SSX7: variants seen among roughly 807,000 people sequenced by gnomAD.
SSX7 encodes the protein protein SSX7.
In SSX7, 15 loss-of-function variants were observed where a neutral mutation model predicts 14.7. The ratio of observed to expected loss-of-function variants is 1.02; its 90% CI spans 0.68 to 1.58. The LOEUF (loss-of-function observed/expected upper bound fraction) is 1.58, where lower values mean the gene tolerates loss of function less well. Among genes scored for constraint, SSX7 ranks in the 40% most tolerant of loss-of-function variants. SSX7 has a pLI of 0.00. For synonymous variants in SSX7, 46 were observed against 50.6 expected (o/e 0.91, Z 0.38); for missense variants, 178 against 146.8 (o/e 1.21, Z -1.10).
intron 6 of SSX7, among the ~76,000 whole-genome samples, chrX:52,647,033 C>T (rs184989928): frequency 1.1e-3 from 128 of 112,418 alleles, no homozygotes; most frequent in Non-Finnish European, 1.0e-3. Context: ...GCAAAACTGC[C>T]TTACTGCTCA....
intron 5 of SSX7, among the ~76,000 whole-genome samples, chrX:52,648,708 T>C (rs1925330712): frequency 9.0e-6 from 1 of 111,660 alleles, no homozygotes; most frequent in African/African-American, 3.3e-5. Context: ...ATTTTTAAAA[T>C]TCACAAGGTC....
At chrX:52,649,491 C>T (rs1312859163) in intron 5 of SSX7, among the ~76,000 whole-genome samples, 2 of 112,128 alleles carry the variant, frequency 1.8e-5, no homozygotes, top group Admixed American at 9.5e-5. Flanking sequence ...GGTCTCCACA[C>T]TAGCAACCCA....
Position 52,648,295 on chromosome X carries a change from T to G in SSX7, c.432A>C (p.Lys144Asn), listed in dbSNP as rs1250266831. 21 of 1,209,709 alleles carry G rather than the reference T, an allele frequency of 1.7e-5. No individual in the cohort carries two copies. Among genetic ancestry groups the G allele is most frequent in the South Asian group, 7.1e-5 (4 of 56,659 alleles). Residue 144 changes from lysine to asparagine, a missense_variant, in exon 6 of 8, where the codon AAA becomes AAC. Physicochemically the swap from Lys to Asn is moderately conservative, Grantham distance 94 (BLOSUM62 0). Coordinates refer to ENST00000298181, the MANE Select transcript of SSX7 (RefSeq NM_173358.2). ...NDGKHLCPPG[K>N]PSTSEKINKT... is the part of the protein sequence containing the mutation. ...TGTTAATCTTCTCAGAGGTACTTGGTTTTCCTGGAGGGCACAGGTGTTTCC... is the reference window on the plus strand; with the variant it reads ...TGTTAATCTTCTCAGAGGTACTTGGGTTTCCTGGAGGGCACAGGTGTTTCC...
intron 6 of SSX7, among the ~76,000 whole-genome samples, chrX:52,646,362 CG>C (rs1556766341): frequency 8.9e-6 from 1 of 112,505 alleles, no homozygotes; most frequent in African/African-American, 3.2e-5. Context: ...GGCGCCCGTC[CG>C]TGTTTTTTAT....
intron 1 of SSX7, 50 bp from the exon 2 acceptor site, chrX:52,653,542 G>T (rs1556767336): frequency 8.4e-7 from 1 of 1,196,924 alleles, no homozygotes; most frequent in Non-Finnish European, 1.1e-6. Context: ...CTTTGGTCTT[G>T]TGGAGGGAGA....
At chrX:52,653,348 T>G in intron 2 of SSX7, 56 bp downstream of exon 2, 2 of 1,210,205 alleles carry the variant, frequency 1.7e-6, no homozygotes, top group Non-Finnish European at 2.2e-6. Context: ...CTCAGAAACT[T>G]GGCCACCCCA....
In SSX7 at chrX:52,650,363, A is replaced by G. The variant is rs377004276; in HGVS notation, c.320T>C (p.Ile107Thr). ...CTGAGAGACACTCACCTTCGGGAAG[A>G]TTCTCTGGAGCCTGCAAAAAGTCAT... ...PQMTFCRLQR[I>T]FPKIMPKKPA... is the part of the protein sequence containing the mutation. The change falls in exon 5 of 8, where the codon ATC becomes ACC. Residue 107 changes from isoleucine (I) to threonine (T), a missense_variant. Ile to Thr is a moderately conservative substitution (Grantham distance 89). Transcript: ENST00000298181. The G allele has an allele frequency of 1.1e-4, 131 of 1,208,955 alleles. No homozygotes were observed. The highest frequency in any genetic ancestry group is 1.4e-4 in the Non-Finnish European group (127 of 894,306).
At chrX:52,648,028 T>A (rs1343449909) in intron 6 of SSX7, among the ~76,000 whole-genome samples, 2 of 112,100 alleles carry the variant, frequency 1.8e-5, no homozygotes, top group Admixed American at 9.5e-5. Context: ...GGACTAGGAA[T>A]CTGGAACTGA....
chrX:52,653,125 G>C lies in SSX7; in HGVS notation c.70-141C>G, dbSNP rs782142155. ...CCGACAACATGAGCGACCTTTCCTA[G>C]CTTCACCCCTGCCACACAGTAGGGC... On this transcript the variant is annotated intron_variant, in intron 2 of 7. Transcript: ENST00000298181. 5.9e-5 allele frequency: 69 copies of C among 1,169,288 alleles called. No individual in the cohort carries two copies. The South Asian group carries it at 9.6e-4, about 16-fold the overall frequency.
In SSX7 at chrX:52,649,698, A is replaced by T. The variant is rs1272005967; in HGVS notation, c.330+655T>A. Among the ~76,000 whole-genome samples the T allele has an allele frequency of 1.1e-4, 12 of 112,167 alleles. No homozygotes were observed. In the Admixed American group the frequency reaches 1.1e-3, roughly 11 times the overall value. ...ATTCCTAAGCCATGCAAGTGGTCCC[A>T]GTAACAGAGCAGAGGCCAGCTGGTC... On this transcript the variant is annotated intron_variant, in intron 5 of 7. Transcript: ENST00000298181.
chrX:52,653,760 G>A (rs782352924), intron 1 of SSX7, among the ~76,000 whole-genome samples: 9 of 110,868 alleles, frequency 8.1e-5, no homozygotes, highest in African/African-American at 3.0e-4. Context: ...GGCTAATGTT[G>A]TTAGTAGTTT....
At chrX:52,650,723 T>G (rs1925400470) in intron 4 of SSX7, among the ~76,000 whole-genome samples, 1 of 112,465 alleles carries the variant, frequency 8.9e-6, no homozygotes, top group Non-Finnish European at 1.9e-5. Context: ...CCACTCAAGA[T>G]GTGCAACAAC....
chrX:52,652,873 G>C lies in SSX7; in HGVS notation c.181C>G (p.Leu61Val), dbSNP rs150643694. ...TGTACCTAGAACTTTCTGTTACCTA[G>C]TTTAGTCATGGCCTCATACTTTCTC... ...MKRKYEAMTK[L>V]GFKATLPPFM... The change falls in exon 3 of 8, where the codon CTA (leucine) becomes GTA (valine). Residue 61 changes from leucine (L) to valine (V), a missense_variant. By Grantham distance (32) the Leu-to-Val change is conservative. Coordinates refer to ENST00000298181, the MANE Select transcript of SSX7 (RefSeq NM_173358.2). 65 of 1,191,486 alleles carry C rather than the reference G, an allele frequency of 5.5e-5. No homozygotes were observed. In the Admixed American group the frequency reaches 5.5e-4, roughly 10 times the overall value.
In SSX7 at chrX:52,644,485, T is replaced by G; in HGVS notation, c.*190A>C. The G allele has an allele frequency of 1.5e-6, 1 of 651,302 alleles. No homozygotes were observed. The highest frequency in any genetic ancestry group is 3.5e-5 in the East Asian group (1 of 28,287). 53.7% of individuals were successfully genotyped at this position (651,302 alleles called of 1,213,427 possible). Reference sequence around the variant, plus strand: ...AACAGAATGGCACACTGTAAGAAAATACAATGGAAACACTAACATCGAACT... The same window carrying G: ...AACAGAATGGCACACTGTAAGAAAAGACAATGGAAACACTAACATCGAACT... On this transcript the variant is annotated 3_prime_UTR_variant, in exon 8 of 8. Coordinates refer to ENST00000298181, the MANE Select transcript of SSX7 (RefSeq NM_173358.2).
At chrX:52,644,995 C>T (rs782687799) in intron 7 of SSX7, among the ~76,000 whole-genome samples, 9 of 111,266 alleles carry the variant, frequency 8.1e-5, no homozygotes, top group Middle Eastern at 4.7e-3. Context: ...GAAGGCCAGG[C>T]GCGGTGGTTC....
At chrX:52,648,610 A>T (rs1925327522) in intron 5 of SSX7, among the ~76,000 whole-genome samples, 1 of 111,866 alleles carries the variant, frequency 8.9e-6, no homozygotes, top group Non-Finnish European at 1.9e-5. Flanking sequence ...GCTTATCTTC[A>T]CACTCTTTAA....
intron 5 of SSX7, among the ~76,000 whole-genome samples, 187 bp from the exon 6 acceptor site, chrX:52,648,583 G>A (rs782519153): frequency 8.9e-6 from 1 of 111,835 alleles, no homozygotes; most frequent in Non-Finnish European, 1.9e-5. Context: ...TGTGAATATC[G>A]TTTCCAGGGC....
chrX:52,653,617 T>C (rs1925511573), intron 1 of SSX7, 125 bp from the exon 2 acceptor site: 1 of 834,857 alleles, frequency 1.2e-6, no homozygotes, highest in African/African-American at 2.0e-5. Flanking sequence ...CATCTGGGGC[T>C]TATCTGTCCC....
rs781845603 is a variant in SSX7 at position 52,650,527 on chromosome X, C to T, written c.281-125G>A. 5.0e-6 allele frequency: 4 copies of T among 800,526 alleles called. No individual in the cohort carries two copies. The African/African-American group carries it at 6.2e-5, about 12-fold the overall frequency. 66.0% of individuals were successfully genotyped at this position (800,526 alleles called of 1,213,427 possible). On this transcript the variant is annotated intron_variant, in intron 4 of 7. Coordinates refer to ENST00000298181, the MANE Select transcript of SSX7 (RefSeq NM_173358.2). ...TCCACTCATTGTTGAGGAGTTATTT[C>T]AGTTTTGCTTCTGAATTATGTTTAG...
Sources: gnomAD v4.1 joint callset for allele counts (sites outside exome capture counted in the v4.1 genomes callset) on GRCh38, gnomAD v4.1.1 for gene constraint, MANE v1.5 for transcripts, NCBI Gene and HGNC (gene_info 2026-07-23, HGNC 2026-07-21) for gene names.